The following CPVL variants were observed in gnomAD, a reference collection of about 807,000 sequenced individuals.
CPVL encodes carboxypeptidase vitellogenic like.
A neutral mutation model predicts 63.7 loss-of-function variants in CPVL; 51 were observed. That is an observed-to-expected ratio of 0.80 (90% CI 0.64 to 1.01). The LOEUF (loss-of-function observed/expected upper bound fraction) is 1.01, where lower values mean the gene tolerates loss of function less well. CPVL is among the 50% of genes least tolerant of loss of function. CPVL has a pLI of 0.00. For synonymous variants in CPVL, 195 were observed against 206.0 expected (o/e 0.95, Z 0.46); for missense variants, 530 against 573.1 (o/e 0.92, Z 0.77).
rs537181870 is a variant in CPVL at position 29,060,318 on chromosome 7, G to A, written c.1137+3743C>T. 2.0e-5 allele frequency among the ~76,000 whole-genome samples: 3 copies of A among 152,256 alleles called. 1 individual carries two copies. Among genetic ancestry groups the A allele is most frequent in the African/African-American group, 7.2e-5 (3 of 41,546 alleles). On this transcript the variant is annotated intron_variant, in intron 11 of 12. Coordinates refer to ENST00000265394, the MANE Select transcript of CPVL (RefSeq NM_031311.5). ...GGAAGCCAAAGCGCAGAGAGTTTAAGTTTCCTCTCCCAAAGGAGCATAGCC... is the reference window on the plus strand; with the variant it reads ...GGAAGCCAAAGCGCAGAGAGTTTAAATTTCCTCTCCCAAAGGAGCATAGCC...
chr7:29,136,388 T>C (rs1562787259), intron 1 of CPVL, among the ~76,000 whole-genome samples: 1 of 152,206 alleles, frequency 6.6e-6, no homozygotes, highest in Non-Finnish European at 1.5e-5. Context: ...ATTTACATAA[T>C]AAGGTAAATA....
intron 3 of CPVL, among the ~76,000 whole-genome samples, chr7:29,184,901 A>G (rs1237228487): frequency 2.0e-5 from 3 of 152,208 alleles, no homozygotes; most frequent in Non-Finnish European, 4.4e-5. Flanking sequence ...ATGGGAGTTT[A>G]TGTGGATAAG....
At chr7:29,097,570 C>T (rs1786568277) in intron 3 of CPVL, among the ~76,000 whole-genome samples, 1 of 152,130 alleles carries the variant, frequency 6.6e-6, no homozygotes, top group African/African-American at 2.4e-5. Flanking sequence ...ATGGCGGGTA[C>T]CTGTAATCCC....
chr7:29,016,620 C>G (rs191719984), intron 12 of CPVL, among the ~76,000 whole-genome samples: 1 of 152,256 alleles, frequency 6.6e-6, no homozygotes, highest in African/African-American at 2.4e-5. Context: ...TGGCAGACCA[C>G]GGGCCTGAGG....
chr7:29,183,932 A>T (rs1372371416), intron 4 of CPVL, among the ~76,000 whole-genome samples: 9 of 152,216 alleles, frequency 5.9e-5, no homozygotes, highest in Admixed American at 5.9e-4. Flanking sequence ...AATGGGGCAT[A>T]ACAACGAGTT....
intron 12 of CPVL, among the ~76,000 whole-genome samples, chr7:29,021,552 GA>G (rs1786979053): frequency 6.6e-6 from 1 of 152,010 alleles, no homozygotes; most frequent in Admixed American, 6.6e-5. Context: ...AGAGCCAGGG[GA>G]AACTCCCACT....
intron 12 of CPVL, among the ~76,000 whole-genome samples, chr7:29,020,832 G>A (rs1475778465): frequency 6.6e-6 from 1 of 152,176 alleles, no homozygotes; most frequent in Non-Finnish European, 1.5e-5. Context: ...CAAGAGAGGT[G>A]CTAATTACTA....
At chr7:29,025,664 G>A (rs1214833771) in intron 12 of CPVL, among the ~76,000 whole-genome samples, 1 of 152,164 alleles carries the variant, frequency 6.6e-6, no homozygotes, top group East Asian at 1.9e-4. Context: ...TATATTCCAT[G>A]TAAACAGAAA....
chr7:29,078,844 C>G (rs73075269), intron 7 of CPVL, among the ~76,000 whole-genome samples: 16,006 of 152,190 alleles, frequency 0.11, 1,040 homozygotes, highest in Non-Finnish European at 0.14. Context: ...CAGCTTAAAC[C>G]CTGATTTTTG....
In CPVL at chr7:29,167,676, G is replaced by A. The variant is rs559605588; in HGVS notation, c.-11+13614C>T. Reference sequence around the variant, plus strand: ...TGCTCTACATCTTCACCAATATTTGGTTTTGTCAGACTATATAGTTTTGCC... The same window carrying A: ...TGCTCTACATCTTCACCAATATTTGATTTTGTCAGACTATATAGTTTTGCC... On this transcript the variant is annotated intron_variant, in intron 5 of 16. Transcript: ENST00000409850. 7.2e-5 allele frequency among the ~76,000 whole-genome samples: 11 copies of A among 152,210 alleles called. No homozygotes were observed. The South Asian group carries it at 1.9e-3, about 26-fold the overall frequency.
chr7:29,119,485 CAAAAAAAAAAAAAAAA>C (rs372819031), intron 2 of CPVL, among the ~76,000 whole-genome samples: 1 of 101,384 alleles, frequency 9.9e-6, no homozygotes, highest in African/African-American at 4.0e-5. Flanking sequence ...GATTCTGTCT[CAAAAAAAAAAAAAAAA>C]AAAAAAAAGA....
chr7:29,165,367 T>G (rs889229295), intron 5 of CPVL, among the ~76,000 whole-genome samples: 2 of 152,192 alleles, frequency 1.3e-5, no homozygotes, highest in Admixed American at 1.3e-4. Flanking sequence ...TTTTTATATA[T>G]TACTCTTTAT....
chr7:29,125,987 G>T (rs1267767825), intron 1 of CPVL, among the ~76,000 whole-genome samples: 1 of 152,186 alleles, frequency 6.6e-6, no homozygotes, highest in Non-Finnish European at 1.5e-5. Context: ...CAAGAGAGCT[G>T]ATGGTTAAAT....
chr7:29,088,999 G>A (rs1242418113), intron 6 of CPVL, among the ~76,000 whole-genome samples: 3 of 152,094 alleles, frequency 2.0e-5, no homozygotes, highest in African/African-American at 7.2e-5. Context: ...ACATAAGCAT[G>A]TGTGTTCACA....
At chr7:29,172,874 G>C (rs537757212) in intron 5 of CPVL, among the ~76,000 whole-genome samples, 1 of 152,094 alleles carries the variant, frequency 6.6e-6, no homozygotes, top group Admixed American at 6.5e-5. Context: ...GAGTGTGGTA[G>C]CTCACCAGCG....
intron 6 of CPVL, among the ~76,000 whole-genome samples, chr7:29,088,979 T>C (rs899364162): frequency 6.6e-6 from 1 of 152,092 alleles, no homozygotes; most frequent in Non-Finnish European, 1.5e-5. Context: ...GTCTCAATAA[T>C]AATAATAATA....
At chr7:29,106,605 T>C (rs79408765) in intron 3 of CPVL, among the ~76,000 whole-genome samples, 14,312 of 151,904 alleles carry the variant, frequency 0.094, 791 homozygotes, top group Middle Eastern at 0.14. Context: ...TTGTGCTTGC[T>C]GCAAAGGAGA....
intron 12 of CPVL, among the ~76,000 whole-genome samples, chr7:29,005,924 G>C (rs1458128984): frequency 1.3e-5 from 2 of 152,206 alleles, no homozygotes; most frequent in Non-Finnish European, 2.9e-5. Context: ...TTTTGGAAGA[G>C]AGAATAAGAG....
At chr7:29,011,957 G>A (rs1785891241) in intron 12 of CPVL, 2 of 152,182 alleles carry the variant, frequency 1.3e-5, no homozygotes, top group Admixed American at 1.3e-4. Context: ...GGAAGGAAAT[G>A]TGAAATTTCA....
Sources: allele counts gnomAD v4.1 joint callset (sites outside exome capture counted in the v4.1 genomes callset), GRCh38; gene constraint gnomAD v4.1.1; transcripts MANE v1.5; gene names NCBI Gene and HGNC (gene_info 2026-07-23, HGNC 2026-07-21).